HBS1L: variants seen among roughly 807,000 people sequenced by gnomAD.
HBS1L encodes the protein HBS1-like protein.
A neutral mutation model predicts 88.9 loss-of-function variants in HBS1L; 55 were observed. The observed-to-expected ratio is 0.62, with a 90% CI of 0.50 to 0.77. HBS1L has a LOEUF of 0.77. HBS1L is among the 30% of genes least tolerant of loss of function. The pLI is 0.00. For synonymous variants in HBS1L, 267 were observed against 288.5 expected (o/e 0.93, Z 0.76); for missense variants, 741 against 829.3 (o/e 0.89, Z 1.31).
intron 3 of HBS1L, 95 bp from the exon 4 acceptor site, chr6:135,039,862 A>G (rs1225825565): frequency 2.9e-6 from 3 of 1,048,504 alleles, no homozygotes; most frequent in Non-Finnish European, 4.1e-6. Context: ...CAGCTGTACT[A>G]GAATATTCAA....
intron 4 of HBS1L, among the ~76,000 whole-genome samples, chr6:135,003,273 T>C (rs916851498): frequency 2.0e-5 from 3 of 152,200 alleles, no homozygotes; most frequent in Admixed American, 2.0e-4. Flanking sequence ...TATGAACTGA[T>C]GAACAAGTTG....
rs758800476 is a variant in HBS1L, at chr6:134,966,298, A to G, written c.2043+31T>C. On this transcript the variant is annotated intron_variant, in intron 17 of 17. Transcript: ENST00000367837. ...AAAAGAAAAGGCATCATAACTATGG[A>G]TATATAATGAGTCACTTTAAAATAA... 6 of 1,581,912 alleles carry G rather than the reference A, an allele frequency of 3.8e-6. No individual in the cohort carries two copies. In the East Asian group the frequency reaches 1.1e-4, roughly 30 times the overall value.
chr6:134,985,430 A>G, intron 11 of HBS1L, 21 bp from the exon 12 acceptor site: 2 of 1,514,544 alleles, frequency 1.3e-6, no homozygotes, highest in Non-Finnish European at 1.8e-6. Context: ...GAAATTGCAA[A>G]AGGCAAGGTT....
intron 4 of HBS1L, among the ~76,000 whole-genome samples, chr6:135,020,057 T>C (rs1189141943): frequency 6.6e-6 from 1 of 151,394 alleles, no homozygotes; most frequent in Non-Finnish European, 1.5e-5. Context: ...TAAATGGTTA[T>C]GTGAAAGAAT....
At chr6:135,013,692 GAT>G (rs1290476074) in intron 4 of HBS1L, among the ~76,000 whole-genome samples, 1 of 152,184 alleles carries the variant, frequency 6.6e-6, no homozygotes, top group African/African-American at 2.4e-5. Flanking sequence ...GAGCAATGGA[GAT>G]AGAGAAAGGA....
rs957094472 is a variant in HBS1L, at chr6:134,961,435, T to G, written c.*3844A>C. 1 of 152,212 alleles carries G rather than the reference T, an allele frequency of 6.6e-6. No homozygotes were observed. The highest frequency in any genetic ancestry group is 1.9e-4 in the East Asian group (1 of 5,198). 9.4% of individuals were successfully genotyped at this position (152,212 alleles called of 1,614,324 possible). A position where few individuals can be genotyped will look rare whatever the true frequency, so the allele number is the denominator to read the frequency against. On this transcript the variant is annotated 3_prime_UTR_variant, in exon 18 of 18. Transcript: ENST00000367837. ...CGGTGGCGTTCTCCTGCTGAACATT[T>G]AACAATTCTCAAATCTCTAACATCA... is the stretch of plus-strand genomic sequence containing the variant.
Position 135,042,046 on chromosome 6 carries a change from A to T in HBS1L, c.190T>A (p.Ser64Thr). The T allele has an allele frequency of 1.2e-6, 2 of 1,613,578 alleles. No individual in the cohort carries two copies. The highest frequency in any genetic ancestry group is 1.7e-6 in the Non-Finnish European group (2 of 1,179,762). Residue 64 changes from serine (S) to threonine (T), a missense_variant, in exon 3 of 18, where the codon TCT becomes ACT. By Grantham distance (58) the Ser-to-Thr change is moderately conservative (BLOSUM62 1). Around this residue, in one of 3 missense-constraint regions of HBS1L, gnomAD observed 556 missense variants for 598.4 expected, o/e 0.93. Coordinates refer to ENST00000367837, the MANE Select transcript of HBS1L (RefSeq NM_006620.4). ...EEYDYEDLKE[S>T]SNSVSNHQLS... The stretch of plus-strand genomic sequence containing the variant: ...TGATGGTTTGAAACAGAATTGGAAG[A>T]TTCTTTCAGATCTTCATAATCATAT...
In HBS1L at chr6:135,050,665, G is replaced by A. The variant is rs1777053510; in HGVS notation, c.44-18C>T. The A allele has an allele frequency of 6.7e-7, 1 of 1,482,872 alleles. No homozygotes were observed. The highest frequency in any genetic ancestry group is 1.2e-5 in the South Asian group (1 of 81,172). The allele number at this position is 1,482,872 out of a possible 1,614,324, so 91.9% of individuals were successfully genotyped here. On this transcript the variant is annotated intron_variant, in intron 1 of 17. Coordinates refer to ENST00000367837, the MANE Select transcript of HBS1L (RefSeq NM_006620.4). ...TTCAAAATCTAAAATAAAGACAAAA[G>A]AGATAAATTCATTTACAAGTTCTTT... is the stretch of plus-strand genomic sequence containing the variant.
intron 15 of HBS1L, among the ~76,000 whole-genome samples, chr6:134,976,225 A>G (rs1393884826): frequency 6.6e-6 from 1 of 152,216 alleles, no homozygotes; most frequent in African/African-American, 2.4e-5. Context: ...TACTCCAGCC[A>G]GAATGGCCAT....
At chr6:135,031,579 G>A (rs1369606291) in intron 4 of HBS1L, among the ~76,000 whole-genome samples, 6 of 151,858 alleles carry the variant, frequency 4.0e-5, no homozygotes, top group Admixed American at 1.3e-4. Flanking sequence ...TAACAAAGAC[G>A]GGAAACAGAA....
chr6:135,003,929 G>A (rs1243482711), intron 4 of HBS1L, among the ~76,000 whole-genome samples: 1 of 152,078 alleles, frequency 6.6e-6, no homozygotes, highest in Non-Finnish European at 1.5e-5. Context: ...AATAAATTAT[G>A]AGCTAGATCA....
At chr6:135,012,741 T>C (rs1490886181) in intron 4 of HBS1L, among the ~76,000 whole-genome samples, 2 of 152,208 alleles carry the variant, frequency 1.3e-5, no homozygotes, top group African/African-American at 4.8e-5. Context: ...ATGGCTCATC[T>C]ATTTCCATGT....
chr6:135,030,172 CA>C (rs1381304294), intron 4 of HBS1L, among the ~76,000 whole-genome samples: 3 of 152,026 alleles, frequency 2.0e-5, no homozygotes, highest in Non-Finnish European at 4.4e-5. Context: ...GAAAACATAA[CA>C]AAAACAAGTG....
At chr6:134,978,507 T>TA (rs1169300507) in intron 15 of HBS1L, among the ~76,000 whole-genome samples, 172 bp downstream of exon 15, 11 of 151,850 alleles carry the variant, frequency 7.2e-5, no homozygotes, top group Non-Finnish European at 1.5e-5. Context: ...AAGATCAAAA[T>TA]AAAAAACAAA....
chr6:135,027,995 G>T (rs1202511691), intron 4 of HBS1L, among the ~76,000 whole-genome samples: 6 of 151,952 alleles, frequency 3.9e-5, no homozygotes, highest in Non-Finnish European at 7.4e-5. Flanking sequence ...TTGAACTCCT[G>T]AGCTCAAGCA....
At chr6:135,001,942 GAGGAAAAAAA>G (rs1256737445) in intron 5 of HBS1L, among the ~76,000 whole-genome samples, 3 of 150,204 alleles carry the variant, frequency 2.0e-5, no homozygotes, top group East Asian at 3.9e-4. Context: ...CTTGGGAAAA[GAGGAAAAAAA>G]AGGAAAAAAA....
chr6:134,971,187 T>A (rs1774475131), intron 15 of HBS1L, among the ~76,000 whole-genome samples: 1 of 149,434 alleles, frequency 6.7e-6, no homozygotes, highest in Non-Finnish European at 1.5e-5. Context: ...ATTTGAGGAG[T>A]CAGAACTGGA....
At position 134,986,736 on chromosome 6, in the gene HBS1L, C is replaced by A; in HGVS notation, c.1305G>T (p.Lys435Asn). The change falls in exon 10 of 18, where the codon AAG (lysine) becomes AAT (asparagine). Residue 435 changes from lysine (K) to asparagine (N), a missense_variant and splice_region_variant. Physicochemically the swap from Lys to Asn is moderately conservative, Grantham distance 94 (BLOSUM62 0). Transcript: ENST00000367837. ...LGHFLKQAGF[K>N]ESDVGFIPTS... ...ACAAATAAATCTAAAATGATCTTAC[C>A]TTAAAACCTGCTTGCTTAAGAAAGT... 1.3e-6 allele frequency: 2 copies of A among 1,544,970 alleles called. No individual in the cohort carries two copies. The highest frequency in any genetic ancestry group is 1.2e-5 in the South Asian group (1 of 80,776).
chr6:135,019,276 A>C (rs1441189662), intron 4 of HBS1L, among the ~76,000 whole-genome samples: 1 of 151,990 alleles, frequency 6.6e-6, no homozygotes, highest in Non-Finnish European at 1.5e-5. Context: ...TGTGGAAACT[A>C]GCAGTGAGAA....
Sources: gnomAD v4.1 joint callset for allele counts (sites outside exome capture counted in the v4.1 genomes callset) on GRCh38, gnomAD v4.1.1 for gene constraint, gnomAD v4.1.1 regional missense constraint, MANE v1.5 for transcripts, NCBI Gene and HGNC (gene_info 2026-07-23, HGNC 2026-07-21) for gene names.